SULT1C2: variants seen among roughly 807,000 people sequenced by gnomAD.
The protein encoded by SULT1C2 is sulfotransferase family 1C member 2, also known as sulfotransferase 1C2.
A neutral mutation model predicts 36.0 loss-of-function variants in SULT1C2; 27 were observed. The ratio of observed to expected loss-of-function variants is 0.75; its 90% CI spans 0.55 to 1.03. SULT1C2 has a LOEUF of 1.03. SULT1C2 is among the 50% of genes least tolerant of loss of function. The pLI is 0.00. For synonymous variants in SULT1C2, 121 were observed against 116.0 expected (o/e 1.04, Z -0.27); for missense variants, 395 against 359.2 (o/e 1.10, Z -0.80).
In SULT1C2 at chr2:108,309,169, T is replaced by TGGGCATGGCTCCC. The variant is rs1259550331; in HGVS notation, c.*706_*718dup. ...AGGATGGCTGTCAACAACGTCAGCA[T>TGGGCATGGCTCCC]GGGCATGGCTCCCAGGCATGGAGGT... is the stretch of plus-strand genomic sequence containing the variant. On this transcript the variant is annotated 3_prime_UTR_variant, in exon 8 of 8. Transcript: ENST00000251481. 1.3e-5 allele frequency: 2 copies of TGGGCATGGCTCCC among 152,258 alleles called. No individual in the cohort carries two copies. The highest frequency in any genetic ancestry group is 4.8e-5 in the African/African-American group (2 of 41,474). 9.4% of individuals were successfully genotyped at this position (152,258 alleles called of 1,614,324 possible).
At position 108,308,441 on chromosome 2, in the gene SULT1C2, A is replaced by C; in HGVS notation, c.868A>C (p.Ile290Leu). 6.2e-7 allele frequency: 1 copy of C among 1,611,930 alleles called. No homozygotes were observed. Among genetic ancestry groups the C allele is most frequent in the Non-Finnish European group, 8.5e-7 (1 of 1,179,524 alleles). Residue 290 changes from isoleucine to leucine, a missense_variant, in exon 8 of 8, where the codon ATA becomes CTA. Ile to Leu is a conservative substitution (Grantham distance 5). Coordinates refer to ENST00000251481, the MANE Select transcript of SULT1C2 (RefSeq NM_001056.4). ...IYRRKMEGTS[I>L]NFCMEL ...TAGAAGAAAGATGGAAGGAACCTCC[A>C]TAAACTTCTGCATGGAACTCTGAGC... is the stretch of plus-strand genomic sequence containing the variant.
intron 1 of SULT1C2, among the ~76,000 whole-genome samples, chr2:108,289,442 A>G (rs1172202325): frequency 6.6e-6 from 1 of 152,166 alleles, no homozygotes; most frequent in Non-Finnish European, 1.5e-5. Flanking sequence ...ACTAAGACAC[A>G]TGCTGGGCCT....
In SULT1C2 at chr2:108,294,220, G is replaced by C; in HGVS notation, c.152-9G>C. On this transcript the variant is annotated splice_polypyrimidine_tract_variant and intron_variant, in intron 2 of 7. Transcript: ENST00000251481. ...TTTCTGCTTCTCATCCTTCCTTTCT[G>C]AGCCTCAGGGACAACGTGGATTCAG... The C allele has an allele frequency of 6.2e-7, 1 of 1,613,168 alleles. No homozygotes were observed. Among genetic ancestry groups the C allele is most frequent in the Non-Finnish European group, 8.5e-7 (1 of 1,179,600 alleles).
chr2:108,296,385 G>C (rs1284083722), intron 3 of SULT1C2, among the ~76,000 whole-genome samples: 4 of 148,730 alleles, frequency 2.7e-5, no homozygotes. Context: ...AACAGTCTCA[G>C]GCTTTATGAT....
In SULT1C2 at chr2:108,305,242, C is replaced by T. The variant is rs1290423852; in HGVS notation, c.573C>T (p.Phe191=). ...TGAAAGACAGACACCAGATTCTCTT[C>T]CTCTTCTATGAGGACATAAAGAGGG... ...WEMKDRHQIL[F]LFYEDIKRDP... is the part of the protein sequence containing the mutation. The change falls in exon 6 of 8, where the codon TTC becomes TTT. Residue 191 remains phenylalanine, a synonymous_variant. Transcript: ENST00000251481. 32 of 1,614,040 alleles carry T rather than the reference C, an allele frequency of 2.0e-5. No individual in the cohort carries two copies. Among genetic ancestry groups the T allele is most frequent in the Non-Finnish European group, 2.6e-5 (31 of 1,180,024 alleles).
chr2:108,294,546 T>C (rs538773867), intron 3 of SULT1C2, among the ~76,000 whole-genome samples, 192 bp downstream of exon 3: 1 of 152,280 alleles, frequency 6.6e-6, no homozygotes, highest in East Asian at 1.9e-4. Flanking sequence ...TGTCTACATA[T>C]TATTTAAGAT....
chr2:108,294,053 C>A (rs904206924), intron 2 of SULT1C2, among the ~76,000 whole-genome samples, 176 bp from the exon 3 acceptor site: 2 of 152,174 alleles, frequency 1.3e-5, no homozygotes, highest in African/African-American at 4.8e-5. Flanking sequence ...CCACTCCCTA[C>A]AGAGATCCAA....
intron 3 of SULT1C2, chr2:108,298,666 G>A (rs1385565722): frequency 5.1e-6 from 2 of 391,582 alleles, no homozygotes; most frequent in Non-Finnish European, 5.0e-6. Context: ...ACAGACGTGA[G>A]CCACTGCCCC....
In SULT1C2 at chr2:108,292,265, A is replaced by C. The variant is rs778083302; in HGVS notation, c.-21-1382A>C. Among the ~76,000 whole-genome samples the C allele has an allele frequency of 2.6e-5, 4 of 152,198 alleles. No individual in the cohort carries two copies. In the South Asian group the frequency reaches 6.2e-4, roughly 24 times the overall value. The stretch of plus-strand genomic sequence containing the variant: ...AATGTTAGCTTTTAACTACTATTTC[A>C]TTAGTAGTAGTAGTAATAAATGTCT... On this transcript the variant is annotated intron_variant, in intron 1 of 7. Transcript: ENST00000251481.
rs559820602 is a variant in SULT1C2, at chr2:108,305,411, G to A, written c.598-4G>A. ...ATTCCAGTCCAATGTTACCCTTGCC[G>A]CAGGACCCAAAGCATGAAATTCGGA... On this transcript the variant is annotated splice_polypyrimidine_tract_variant and splice_region_variant and intron_variant, in intron 6 of 7. Transcript: ENST00000251481. 7.1e-5 allele frequency: 114 copies of A among 1,613,382 alleles called. No homozygotes were observed. Among genetic ancestry groups the A allele is most frequent in the East Asian group, 4.2e-4 (19 of 44,868 alleles).
At chr2:108,308,216 G>A (rs932206641) in intron 7 of SULT1C2, 136 bp from the exon 8 acceptor site, 2 of 709,166 alleles carry the variant, frequency 2.8e-6, no homozygotes, top group African/African-American at 3.6e-5. Context: ...TCATGGACAG[G>A]TGTCCACTGA....
chr2:108,298,352 T>C (rs1405762236), intron 3 of SULT1C2, among the ~76,000 whole-genome samples: 1 of 152,208 alleles, frequency 6.6e-6, no homozygotes, highest in African/African-American at 2.4e-5. Flanking sequence ...TCCTTGCTCA[T>C]GTTTTCAACT....
chr2:108,305,674 T>G, intron 7 of SULT1C2, 79 bp downstream of exon 7: 3 of 1,550,548 alleles, frequency 1.9e-6, no homozygotes, highest in Non-Finnish European at 2.7e-6. Context: ...TATTGAGTTT[T>G]ATTAATTCCA....
At chr2:108,304,819 G>A (rs532246813) in intron 5 of SULT1C2, 119 bp downstream of exon 5, 2 of 1,373,222 alleles carry the variant, frequency 1.5e-6, no homozygotes, top group African/African-American at 2.9e-5. Flanking sequence ...TCCTACCACA[G>A]ACTGGGACTG....
intron 3 of SULT1C2, 167 bp from the exon 4 acceptor site, chr2:108,300,671 C>A: frequency 1.6e-6 from 2 of 1,239,158 alleles, no homozygotes; most frequent in Non-Finnish European, 2.1e-6. Flanking sequence ...TGTGATTTTA[C>A]AAAAATGAAA....
At chr2:108,306,722 A>G (rs989379392) in intron 7 of SULT1C2, among the ~76,000 whole-genome samples, 4 of 152,150 alleles carry the variant, frequency 2.6e-5, no homozygotes, top group Non-Finnish European at 4.4e-5. Flanking sequence ...CCTGGCCAAC[A>G]TGGTGAAACC....
intron 7 of SULT1C2, 57 bp from the exon 8 acceptor site, chr2:108,308,295 A>T: frequency 6.6e-7 from 1 of 1,512,570 alleles, no homozygotes; most frequent in Non-Finnish European, 9.0e-7. Flanking sequence ...CACTTTACTC[A>T]GGGACACCAC....
At chr2:108,295,229 CT>C (rs1228712425) in intron 3 of SULT1C2, among the ~76,000 whole-genome samples, 1 of 152,236 alleles carries the variant, frequency 6.6e-6, no homozygotes, top group Non-Finnish European at 1.5e-5. Context: ...AAGGATTTTG[CT>C]TTCCCCTATG....
intron 7 of SULT1C2, 49 bp downstream of exon 7, chr2:108,305,644 G>T (rs1462165394): frequency 6.2e-7 from 1 of 1,604,714 alleles, no homozygotes; most frequent in African/African-American, 1.3e-5. Context: ...GTAACATCCT[G>T]TCTGCCTCTT....
Sources: gnomAD v4.1 joint callset for allele counts (sites outside exome capture counted in the v4.1 genomes callset) on GRCh38, gnomAD v4.1.1 for gene constraint, MANE v1.5 for transcripts, NCBI Gene and HGNC (gene_info 2026-07-23, HGNC 2026-07-21) for gene names.